Variants in NLGN1 observed in about 807,000 individuals in gnomAD.
NLGN1 encodes neuroligin 1.
NLGN1 carries 12 observed loss-of-function variants against 65.5 expected under a neutral mutation model. That is an observed-to-expected ratio of 0.18 (90% confidence interval 0.12 to 0.30). The LOEUF (loss-of-function observed/expected upper bound fraction) is 0.30. Ranked by LOEUF, NLGN1 falls within the 10% of genes least tolerant of loss-of-function variation. NLGN1 has a pLI of 1.00. For synonymous variants in NLGN1, 350 were observed against 359.5 expected, an observed-to-expected ratio of 0.97 and a Z score of 0.30; for missense variants, 750 against 1,007.1, an observed-to-expected ratio of 0.74 and a Z score of 3.46.
intron 3 of NLGN1, among the ~76,000 whole-genome samples, chr3:173,645,631 G>A (rs1004964): frequency 0.2 from 29,903 of 152,116 alleles, 3,180 homozygotes; most frequent in African/African-American, 0.28. Context: ...GTTCCATGGG[G>A]AAAAATCAGA....
chr3:173,830,290 T>C (rs1345256539), intron 4 of NLGN1, among the ~76,000 whole-genome samples: 11 of 152,154 alleles, frequency 7.2e-5, no homozygotes, highest in Non-Finnish European at 1.3e-4. Context: ...GGAAGTCATG[T>C]AGCCAGTGAA....
chr3:173,918,149 C>T (rs1579179411), intron 4 of NLGN1, among the ~76,000 whole-genome samples: 5 of 152,002 alleles, frequency 3.3e-5, no homozygotes, highest in African/African-American at 2.4e-5. Context: ...GTAATGCATT[C>T]GTTACTTATT....
intron 1 of NLGN1, among the ~76,000 whole-genome samples, chr3:173,412,272 G>T (rs1376407440): frequency 1.3e-5 from 2 of 151,344 alleles, no homozygotes; most frequent in Non-Finnish European, 2.9e-5. Flanking sequence ...AAACTTTTCA[G>T]ATGCACATGC....
At chr3:174,247,968 G>T (rs914028704) in intron 4 of NLGN1, among the ~76,000 whole-genome samples, 3 of 152,222 alleles carry the variant, frequency 2.0e-5, no homozygotes, top group Non-Finnish European at 4.4e-5. Flanking sequence ...GCCTGTGTCT[G>T]TATTCAAAAA....
chr3:173,622,891 C>CA (rs2149510432), intron 3 of NLGN1, among the ~76,000 whole-genome samples: 1 of 152,206 alleles, frequency 6.6e-6, no homozygotes, highest in East Asian at 1.9e-4. Context: ...CACAAGTTGC[C>CA]ATACTTCCTG....
intron 3 of NLGN1, among the ~76,000 whole-genome samples, chr3:173,744,368 T>C (rs780612364): frequency 1.8e-4 from 28 of 152,184 alleles, no homozygotes; most frequent in African/African-American, 3.1e-4. Flanking sequence ...GAGGCAATGA[T>C]AAGTAAAAGC....
intron 3 of NLGN1, among the ~76,000 whole-genome samples, chr3:173,620,515 G>T (rs1753823134): frequency 6.6e-6 from 1 of 152,034 alleles, no homozygotes; most frequent in African/African-American, 2.4e-5. Context: ...AAAAAAATAA[G>T]TTGGAGGAAA....
intron 3 of NLGN1, among the ~76,000 whole-genome samples, chr3:173,654,661 T>A (rs905469673): frequency 6.6e-6 from 1 of 152,198 alleles, no homozygotes; most frequent in African/African-American, 2.4e-5. Flanking sequence ...GTCCAAAAGC[T>A]ATTGCTAAGT....
At chr3:173,811,231 T>A (rs1032782212) in intron 4 of NLGN1, among the ~76,000 whole-genome samples, 1 of 152,168 alleles carries the variant, frequency 6.6e-6, no homozygotes, top group Admixed American at 6.5e-5. Flanking sequence ...GGGTATTTTT[T>A]AAACATTCTA....
chr3:173,460,333 A>G (rs998011351), intron 2 of NLGN1, among the ~76,000 whole-genome samples: 8 of 152,156 alleles, frequency 5.3e-5, no homozygotes, highest in African/African-American at 1.9e-4. Flanking sequence ...AGAAAATGGT[A>G]AGCCTTCAGG....
intron 4 of NLGN1, among the ~76,000 whole-genome samples, chr3:173,829,447 A>G (rs777066412): frequency 1.3e-5 from 2 of 152,122 alleles, no homozygotes; most frequent in African/African-American, 2.4e-5. Flanking sequence ...AATGTGTACA[A>G]TGTGATGATT....
intron 3 of NLGN1, among the ~76,000 whole-genome samples, chr3:173,632,849 GTTTTTTTTTTTT>G (rs5854526): frequency 8.6e-6 from 1 of 116,402 alleles, no homozygotes; most frequent in Non-Finnish European, 1.8e-5. Flanking sequence ...TTTTTTTTTT[GTTTTTTTTTTTT>G]TTTTTTAATA....
intron 3 of NLGN1, among the ~76,000 whole-genome samples, chr3:173,642,548 C>T (rs1387514508): frequency 1.3e-5 from 2 of 152,160 alleles, no homozygotes; most frequent in African/African-American, 2.4e-5. Flanking sequence ...ATGCACACTG[C>T]TAACCAGCTA....
rs550033987 is a variant in NLGN1 at position 173,438,393 on chromosome 3, C to T, written c.-321+3315C>T. On this transcript the variant is annotated intron_variant, in intron 2 of 6. Transcript: ENST00000457714. ...TATCGTCTTTCCTATTAAAAGTATACAAGGAAAAAAATGGCAGAAATGAAG... is the reference window on the plus strand; with the variant it reads ...TATCGTCTTTCCTATTAAAAGTATATAAGGAAAAAAATGGCAGAAATGAAG... 2.0e-5 allele frequency among the ~76,000 whole-genome samples: 3 copies of T among 151,868 alleles called. No homozygotes were observed. The South Asian group carries it at 6.2e-4, about 32-fold the overall frequency.
chr3:174,235,173 C>G (rs1043970245), intron 4 of NLGN1, among the ~76,000 whole-genome samples: 1 of 151,702 alleles, frequency 6.6e-6, no homozygotes, highest in Admixed American at 6.6e-5. Context: ...TTGCAGTTGT[C>G]TCTTCCAAAT....
At chr3:174,287,862 T>G (rs983943617), downstream of NLGN1, among the ~76,000 whole-genome samples, 2 of 151,506 alleles carry the variant, frequency 1.3e-5, no homozygotes, top group Non-Finnish European at 3.0e-5. Flanking sequence ...TCTAACCAAC[T>G]GGTGCCTTGG....
At chr3:174,050,384 T>A (rs957725871) in intron 4 of NLGN1, among the ~76,000 whole-genome samples, 3 of 152,042 alleles carry the variant, frequency 2.0e-5, no homozygotes, top group African/African-American at 7.2e-5. Context: ...ACAGTGAAAT[T>A]TGGACTTTGA....
intron 4 of NLGN1, among the ~76,000 whole-genome samples, chr3:174,092,712 C>G (rs1345384619): frequency 6.6e-6 from 1 of 152,104 alleles, no homozygotes; most frequent in Non-Finnish European, 1.5e-5. Flanking sequence ...CATATATGCA[C>G]TCCAATGCAT....
In NLGN1 at chr3:173,526,905, A is replaced by G. The variant is rs36052830; in HGVS notation, c.-320-77374A>G. On this transcript the variant is annotated intron_variant, in intron 2 of 6. Coordinates refer to ENST00000457714, the Ensembl canonical transcript of NLGN1. ...CATAATGACTTCCACTTCCATCTAT[A>G]CTGTTGCAAATGTCAGGATCTCATT... Among the ~76,000 whole-genome samples, 856 of 152,206 alleles carry G rather than the reference A, an allele frequency of 5.6e-3. 23 individuals are homozygous for G. The South Asian group carries it at 0.065, about 12-fold the overall frequency.
Sources: allele counts gnomAD v4.1 joint callset (sites outside exome capture counted in the v4.1 genomes callset), GRCh38; gene constraint gnomAD v4.1.1; transcripts MANE v1.5; gene names NCBI Gene and HGNC (gene_info 2026-07-23, HGNC 2026-07-21).